RPTOR: variants seen among roughly 807,000 people sequenced by gnomAD.
The protein encoded by RPTOR is regulatory-associated protein of mTOR.
RPTOR carries 21 observed loss-of-function variants against 169.9 expected under a neutral mutation model. The observed-to-expected ratio is 0.12, with a 90% CI of 0.09 to 0.18. RPTOR has a LOEUF of 0.18. Among genes scored for constraint, RPTOR ranks in the 10% least tolerant of loss-of-function variants. The pLI is 1.00. For missense variants in RPTOR, 1,133 were observed against 1,855.9 expected (o/e 0.61, Z 7.16); for synonymous variants, 732 against 753.2 (o/e 0.97, Z 0.46).
intron 21 of RPTOR, among the ~76,000 whole-genome samples, chr17:80,915,665 A>G (rs9797307): frequency 0.075 from 725 of 9,700 alleles, 257 homozygotes; most frequent in African/African-American, 0.25. Context: ...CTGAGCAGAC[A>G]TCGGGAAAAC....
intron 1 of RPTOR, among the ~76,000 whole-genome samples, chr17:80,556,019 G>GT (rs143244019): frequency 0.44 from 64,534 of 145,536 alleles, 14,573 homozygotes; most frequent in Middle Eastern, 0.49. Flanking sequence ...GATCTAAAAA[G>GT]TTTTTTGTTT....
chr17:80,660,384 A>G (rs1358652184), intron 3 of RPTOR, among the ~76,000 whole-genome samples: 1 of 152,100 alleles, frequency 6.6e-6, no homozygotes, highest in Non-Finnish European at 1.5e-5. Context: ...GTGTCGTGTC[A>G]TGTCATAGTT....
intron 4 of RPTOR, among the ~76,000 whole-genome samples, chr17:80,729,702 T>C (rs964076144): frequency 2.6e-5 from 4 of 152,162 alleles, no homozygotes; most frequent in Non-Finnish European, 5.9e-5. Context: ...GGCATGCAAA[T>C]TTGAGGACCC....
At chr17:80,903,325 T>G (rs1042166245) in intron 20 of RPTOR, among the ~76,000 whole-genome samples, 2 of 152,032 alleles carry the variant, frequency 1.3e-5, no homozygotes, top group Non-Finnish European at 2.9e-5. Flanking sequence ...TCTACTTCGT[T>G]CCGAATCTGG....
intron 1 of RPTOR, among the ~76,000 whole-genome samples, chr17:80,615,864 G>T (rs2065305548): frequency 6.6e-6 from 1 of 152,120 alleles, no homozygotes; most frequent in South Asian, 2.1e-4. Flanking sequence ...CTGCAGTGGG[G>T]CCCGGAGGCC....
intron 24 of RPTOR, among the ~76,000 whole-genome samples, chr17:80,930,363 TC>T (rs2068873307): frequency 3.5e-5 from 1 of 28,560 alleles, no homozygotes; most frequent in Non-Finnish European, 6.5e-5. Context: ...CCCCAGCTCA[TC>T]CTCAGCTCAT....
At chr17:80,782,218 G>C (rs1224765559) in intron 6 of RPTOR, among the ~76,000 whole-genome samples, 1 of 152,126 alleles carries the variant, frequency 6.6e-6, no homozygotes, top group Non-Finnish European at 1.5e-5. Flanking sequence ...TCCACCCTGT[G>C]AACACACGTG....
At chr17:80,725,521 GC>G (rs1184613035) in intron 4 of RPTOR, among the ~76,000 whole-genome samples, 1 of 152,220 alleles carries the variant, frequency 6.6e-6, no homozygotes, top group Non-Finnish European at 1.5e-5. Flanking sequence ...TATACAGGGG[GC>G]TTTTCAATTC....
intron 13 of RPTOR, among the ~76,000 whole-genome samples, chr17:80,867,020 C>A (rs896221077): frequency 2.6e-5 from 4 of 152,128 alleles, no homozygotes; most frequent in African/African-American, 9.7e-5. Flanking sequence ...TCTATGAGGC[C>A]AGCATTACCT....
At chr17:80,736,837 ATCT>A (rs2066437364) in intron 5 of RPTOR, among the ~76,000 whole-genome samples, 2 of 152,154 alleles carry the variant, frequency 1.3e-5, no homozygotes, top group Non-Finnish European at 2.9e-5. Context: ...GAGTTTGCAA[ATCT>A]TCTCCACGGA....
intron 7 of RPTOR, among the ~76,000 whole-genome samples, chr17:80,801,154 G>A (rs113242726): frequency 6.6e-6 from 1 of 152,240 alleles, no homozygotes; most frequent in African/African-American, 2.4e-5. Context: ...AAGGAGACCT[G>A]GGAGCTGCTG....
rs57747698 is a variant in RPTOR at position 80,746,838 on chromosome 17, G to GT, written c.655-7161dup. Among the ~76,000 whole-genome samples, 37,460 of 147,724 alleles carry GT rather than the reference G, an allele frequency of 0.25. 4,686 individuals are homozygous for GT. Among genetic ancestry groups the GT allele is most frequent in the South Asian group, 0.28 (1,302 of 4,610 alleles). On this transcript the variant is annotated intron_variant, in intron 5 of 33. Coordinates refer to ENST00000306801, the MANE Select transcript of RPTOR (RefSeq NM_020761.3). This position sits in a 1 kb window ranked among gnomAD's most constrained non-coding sequence, Gnocchi z 4.5. Reference sequence around the variant, plus strand: ...AGGAAATAACTCATCTGTTGAAATAGTTTTTTTTTTTCCCTTGGGTTAGCA... The same window carrying GT: ...AGGAAATAACTCATCTGTTGAAATAGTTTTTTTTTTTTCCCTTGGGTTAGCA...
In RPTOR at chr17:80,936,187, G is replaced by A. The variant is rs571752538; in HGVS notation, c.2920-4309G>A. Among the ~76,000 whole-genome samples the A allele has an allele frequency of 2.0e-5, 3 of 152,246 alleles. No homozygotes were observed. Among genetic ancestry groups the A allele is most frequent in the Admixed American group, 1.3e-4 (2 of 15,296 alleles). On this transcript the variant is annotated intron_variant, in intron 24 of 33. Transcript: ENST00000306801. This position sits in a 1 kb window ranked among gnomAD's most constrained non-coding sequence, Gnocchi z 4.1. ...CACTACACACCTGTTAGAATGTCTC[G>A]AATCTTAAAATCTACCAAGTGTTGG...
chr17:80,738,888 CAA>C (rs1358174140), intron 5 of RPTOR, among the ~76,000 whole-genome samples: 1 of 152,110 alleles, frequency 6.6e-6, no homozygotes, highest in Non-Finnish European at 1.5e-5. Context: ...TGAGAAGAAA[CAA>C]AGAAAACTTG....
At chr17:80,887,890 G>A (rs1598379818) in intron 17 of RPTOR, among the ~76,000 whole-genome samples, 1 of 152,064 alleles carries the variant, frequency 6.6e-6, no homozygotes, top group East Asian at 1.9e-4. Flanking sequence ...ACTTCAACCT[G>A]TCTTTGAAGT....
intron 5 of RPTOR, among the ~76,000 whole-genome samples, chr17:80,734,729 T>C (rs530602680): frequency 6.6e-6 from 1 of 152,228 alleles, no homozygotes; most frequent in Admixed American, 6.5e-5. Flanking sequence ...GCTGTCTCTT[T>C]ATAAGGAAGA....
intron 21 of RPTOR, among the ~76,000 whole-genome samples, chr17:80,919,263 C>G (rs1365982879): frequency 6.6e-6 from 1 of 152,196 alleles, no homozygotes; most frequent in Non-Finnish European, 1.5e-5. Context: ...TAGCAGCACA[C>G]GCTTTTGCAG....
intron 6 of RPTOR, among the ~76,000 whole-genome samples, chr17:80,761,323 A>G (rs2066734318): frequency 6.6e-6 from 1 of 152,264 alleles, no homozygotes; most frequent in South Asian, 2.1e-4. Flanking sequence ...AATGAAAATG[A>G]TAAACATTAT....
rs144364204 is a variant in RPTOR, at chr17:80,832,963, C to T, written c.1137-4959C>T. ...TCTGCATTTACACTTTGCTTCAGGC[C>T]GCGGCAGTAATGAATACTCAGAGCC... is the stretch of plus-strand genomic sequence containing the variant. On this transcript the variant is annotated intron_variant, in intron 9 of 33. Coordinates refer to ENST00000306801, the MANE Select transcript of RPTOR (RefSeq NM_020761.3). Among the ~76,000 whole-genome samples, 167 of 152,238 alleles carry T rather than the reference C, an allele frequency of 1.1e-3. 1 individual carries two copies. Among genetic ancestry groups the T allele is most frequent in the African/African-American group, 3.6e-3 (150 of 41,520 alleles).
Sources: allele counts gnomAD v4.1 joint callset (sites outside exome capture counted in the v4.1 genomes callset), GRCh38; gene constraint gnomAD v4.1.1; non-coding constraint Gnocchi (gnomAD v3.1); transcripts MANE v1.5; gene names NCBI Gene and HGNC (gene_info 2026-07-23, HGNC 2026-07-21).